CATSPERE: variants seen among roughly 807,000 people sequenced by gnomAD.
CATSPERE encodes cation channel sperm-associated auxiliary subunit epsilon.
Under a neutral mutation model 114.1 loss-of-function variants are expected in CATSPERE, and 93 were observed. That is an observed-to-expected ratio of 0.81 (90% CI 0.69 to 0.97). The LOEUF (loss-of-function observed/expected upper bound fraction) is 0.97, where lower values mean the gene tolerates loss of function less well. Among genes scored for constraint, CATSPERE ranks in the 50% least tolerant of loss-of-function variants. The pLI is 0.00. For synonymous variants in CATSPERE, 341 were observed against 384.1 expected, an observed-to-expected ratio of 0.89 and a Z score of 1.31; for missense variants, 1,058 against 1,131.6, an observed-to-expected ratio of 0.93 and a Z score of 0.93.
upstream of CATSPERE, among the ~76,000 whole-genome samples, chr1:244,460,895 G>C (rs1666639325): frequency 2.0e-5 from 3 of 152,236 alleles, no homozygotes; most frequent in South Asian, 6.2e-4. Context: ...TCCAGCCTGG[G>C]GGACAGAGTG....
At chr1:244,547,853 T>C (rs1454771404) in intron 8 of CATSPERE, among the ~76,000 whole-genome samples, 2 of 152,182 alleles carry the variant, frequency 1.3e-5, no homozygotes, top group Non-Finnish European at 2.9e-5. Flanking sequence ...TCGAAAGACA[T>C]AGAGTGGCTG....
At chr1:244,541,820 T>C (rs1387528714) in intron 8 of CATSPERE, among the ~76,000 whole-genome samples, 1 of 141,854 alleles carries the variant, frequency 7.0e-6, no homozygotes, top group Admixed American at 7.1e-5. Flanking sequence ...TGGAATACTA[T>C]GCAGCCATAA....
Position 244,477,547 on chromosome 1 carries a change from T to G in CATSPERE, c.121T>G (p.Leu41Val). Residue 41 changes from leucine (L) to valine (V), a missense_variant, in exon 3 of 22, where the codon TTA (leucine) becomes GTA (valine). Leu to Val is a conservative substitution (Grantham distance 32, BLOSUM62 1). Transcript: ENST00000366534. ...CTCTTGTTTTCTTTTTTAGATTAAGTTAGAGTATGAAGGAACATTATTTAC... is the reference window on the plus strand; with the variant it reads ...CTCTTGTTTTCTTTTTTAGATTAAGGTAGAGTATGAAGGAACATTATTTAC... ...RIFSTRSTIK[L>V]EYEGTLFTEW... 6.3e-7 allele frequency: 1 copy of G among 1,576,190 alleles called. No individual in the cohort carries two copies.
rs550039772 is a variant in CATSPERE at position 244,534,872 on chromosome 1, C to T, written c.536+16174C>T. On this transcript the variant is annotated intron_variant, in intron 8 of 21. Coordinates refer to ENST00000366534, the MANE Select transcript of CATSPERE (RefSeq NM_001130957.2). ...CATTGAAGAATTAGGTGTTTATTGT[C>T]GACTTCACAGTCTGAGGTTGTCTTT... Among the ~76,000 whole-genome samples, 4 of 152,194 alleles carry T rather than the reference C, an allele frequency of 2.6e-5. No individual in the cohort carries two copies. In the East Asian group the frequency reaches 5.8e-4, roughly 22 times the overall value.
rs1168158556 is a variant in CATSPERE at position 244,477,524 on chromosome 1, C to A, written c.115-17C>A. ...TTGAATGATATTTTTTGTTCGAACTCTTGTTTTCTTTTTTAGATTAAGTTA... is the reference window on the plus strand; with the variant it reads ...TTGAATGATATTTTTTGTTCGAACTATTGTTTTCTTTTTTAGATTAAGTTA... On this transcript the variant is annotated splice_polypyrimidine_tract_variant and intron_variant, in intron 2 of 21. Coordinates refer to ENST00000366534, the MANE Select transcript of CATSPERE (RefSeq NM_001130957.2). The A allele has an allele frequency of 1.4e-6, 2 of 1,471,474 alleles. No individual in the cohort carries two copies. The highest frequency in any genetic ancestry group is 1.9e-6 in the Non-Finnish European group (2 of 1,061,030). The allele number at this position is 1,471,474 out of a possible 1,614,324, so 91.2% of individuals were successfully genotyped here.
intron 11 of CATSPERE, among the ~76,000 whole-genome samples, chr1:244,577,674 T>A (rs892148694): frequency 2.0e-5 from 3 of 152,222 alleles, no homozygotes; most frequent in Non-Finnish European, 4.4e-5. Context: ...TTCAGGAGGC[T>A]GTGCCCTCAT....
In CATSPERE at chr1:244,560,763, A is replaced by G; in HGVS notation, c.1125A>G (p.Thr375=). The change falls in exon 10 of 22, where the codon ACA becomes ACG. Residue 375 remains threonine, a synonymous_variant. Transcript: ENST00000366534. ...AGTTTGCCAGATTAGTAACTACCAC[A>G]GAACTGAAAAACATCCTAAGTCTAT... The part of the protein sequence containing the change: ...LLKFARLVTT[T]ELKNILSLSV... The G allele has an allele frequency of 6.2e-7, 1 of 1,614,090 alleles. No individual in the cohort carries two copies. Among genetic ancestry groups the G allele is most frequent in the Non-Finnish European group, 8.5e-7 (1 of 1,179,984 alleles).
At position 244,568,910 on chromosome 1, in the gene CATSPERE, A is replaced by ACAAAT. The variant is rs1664017745; in HGVS notation, c.1508-3416_1508-3415insTCAAA. Reference sequence around the variant, plus strand: ...GGTATGAAAAAAAACAAAAACAAAAACAAAGACAAAAAACTCCTGCAGCTA... The same window carrying ACAAAT: ...GGTATGAAAAAAAACAAAAACAAAAACAAATCAAAGACAAAAAACTCCTGCAGCTA... On this transcript the variant is annotated intron_variant, in intron 10 of 21. Coordinates refer to ENST00000366534, the MANE Select transcript of CATSPERE (RefSeq NM_001130957.2). The surrounding 1 kb of genome is among the most constrained non-coding windows in gnomAD (Gnocchi z 4.4). 6.6e-6 allele frequency among the ~76,000 whole-genome samples: 1 copy of ACAAAT among 152,110 alleles called. No homozygotes were observed. The highest frequency in any genetic ancestry group is 6.5e-5 in the Admixed American group (1 of 15,278).
At chr1:244,561,203 ATAATGATG>A in intron 10 of CATSPERE, 58 bp downstream of exon 10, 1 of 1,226,546 alleles carries the variant, frequency 8.2e-7, no homozygotes, top group South Asian at 1.4e-5. Context: ...CATCTTCCTT[ATAATGATG>A]TAACACTTTT....
chr1:244,478,506 A>G (rs1441979891), intron 4 of CATSPERE, among the ~76,000 whole-genome samples: 1 of 152,224 alleles, frequency 6.6e-6, no homozygotes, highest in Non-Finnish European at 1.5e-5. Context: ...TGCACAGCTG[A>G]TGTTCCCACA....
chr1:244,451,847 G>A (rs1178206757), upstream of CATSPERE: 3 of 1,536,888 alleles, frequency 2.0e-6, no homozygotes, highest in Non-Finnish European at 2.6e-6. The surrounding 1 kb of genome is among the most constrained non-coding windows in gnomAD (Gnocchi z 6.6). Context: ...GAGCCCGAAG[G>A]AGAGGCGGCC....
chr1:244,634,709 T>C (rs149947233), intron 20 of CATSPERE, among the ~76,000 whole-genome samples: 13 of 152,324 alleles, frequency 8.5e-5, no homozygotes, highest in Middle Eastern at 3.4e-3. Context: ...GTGTAAACTT[T>C]CTCAAGTTGC....
At chr1:244,488,515 A>G (rs1671435175) in intron 5 of CATSPERE, among the ~76,000 whole-genome samples, 1 of 152,266 alleles carries the variant, frequency 6.6e-6, no homozygotes, top group African/African-American at 2.4e-5. Flanking sequence ...ATAAAGACCC[A>G]GAAGAATGCT....
intron 19 of CATSPERE, among the ~76,000 whole-genome samples, chr1:244,617,146 G>T (rs1267343610): frequency 6.6e-6 from 1 of 152,154 alleles, no homozygotes; most frequent in Non-Finnish European, 1.5e-5. Flanking sequence ...GCTAAATGAA[G>T]ATCCTAGGGC....
rs1303046539 is a variant in CATSPERE, at chr1:244,499,175, AAGCTGCCCACACCT to A, written c.429+98_429+111del. 1.3e-5 allele frequency: 11 copies of A among 874,886 alleles called. No individual in the cohort carries two copies. The African/African-American group carries it at 1.5e-4, about 12-fold the overall frequency. 54.2% of individuals were successfully genotyped at this position (874,886 alleles called of 1,614,324 possible). A position where few individuals can be genotyped will look rare whatever the true frequency, so the allele number is the denominator to read the frequency against. On this transcript the variant is annotated intron_variant, in intron 7 of 21. Coordinates refer to ENST00000366534, the MANE Select transcript of CATSPERE (RefSeq NM_001130957.2). ...ATTTATAATCAATAGACAGGATTTT[AAGCTGCCCACACCT>A]AACTAAATACATTTGCATGATCCCT...
At chr1:244,538,188 A>G (rs1454282513) in intron 8 of CATSPERE, among the ~76,000 whole-genome samples, 1 of 152,178 alleles carries the variant, frequency 6.6e-6, no homozygotes, top group Non-Finnish European at 1.5e-5. Flanking sequence ...CAAAAGAAAA[A>G]AAGTTACACG....
At chr1:244,621,547 G>A (rs570677876) in intron 20 of CATSPERE, among the ~76,000 whole-genome samples, 34 of 151,398 alleles carry the variant, frequency 2.2e-4, no homozygotes, top group South Asian at 1.5e-3. Context: ...AGAAAATCCC[G>A]AAAGGAAAAG....
upstream of CATSPERE, among the ~76,000 whole-genome samples, chr1:244,460,655 T>G (rs554195585): frequency 6.6e-6 from 1 of 152,272 alleles, no homozygotes; most frequent in African/African-American, 2.4e-5. Context: ...GGCTCACGCC[T>G]GTAATCCCAG....
intron 3 of CATSPERE, 35 bp downstream of exon 3, chr1:244,477,649 A>G (rs377231044): frequency 1.6e-6 from 2 of 1,273,022 alleles, no homozygotes; most frequent in South Asian, 1.3e-5. Context: ...ATGTATGTGT[A>G]TATTTTTTAA....
Sources: gnomAD v4.1 joint callset for allele counts (sites outside exome capture counted in the v4.1 genomes callset) on GRCh38, gnomAD v4.1.1 for gene constraint, Gnocchi (gnomAD v3.1) non-coding constraint, MANE v1.5 for transcripts, NCBI Gene and HGNC (gene_info 2026-07-23, HGNC 2026-07-21) for gene names.